Variants in LARP4B observed in about 807,000 individuals in gnomAD.
LARP4B encodes La ribonucleoprotein 4B, also known as la-related protein 4B.
Under a neutral mutation model 89.8 loss-of-function variants are expected in LARP4B, and 12 were observed. The observed-to-expected ratio is 0.13, with a 90% CI of 0.09 to 0.22. The LOEUF is 0.22. LARP4B is among the 10% of genes least tolerant of loss of function. LARP4B has a pLI of 1.00. For synonymous variants in LARP4B, 367 were observed against 363.3 expected, an observed-to-expected ratio of 1.01 and a Z score of -0.12; for missense variants, 757 against 947.7, an observed-to-expected ratio of 0.80 and a Z score of 2.64.
intron 1 of LARP4B, among the ~76,000 whole-genome samples, chr10:911,464 T>C (rs891863933): frequency 1.3e-5 from 2 of 152,190 alleles, no homozygotes; most frequent in Admixed American, 1.3e-4. Flanking sequence ...TTGCTTCCTG[T>C]CTTGTTGGTA....
At chr10:925,247 A>C (rs1837105956) in intron 1 of LARP4B, among the ~76,000 whole-genome samples, 1 of 152,104 alleles carries the variant, frequency 6.6e-6, no homozygotes, top group Non-Finnish European at 1.5e-5. Flanking sequence ...TTACAGAAAA[A>C]TCCTGTTGCC....
At chr10:864,346 A>C in intron 3 of LARP4B, 76 bp from the exon 4 acceptor site, 1 of 1,450,352 alleles carries the variant, frequency 6.9e-7, no homozygotes, top group Non-Finnish European at 9.6e-7. Flanking sequence ...TGCAGAGTTA[A>C]GAGACATCAG....
intron 13 of LARP4B, among the ~76,000 whole-genome samples, chr10:821,813 C>G (rs755462932): frequency 1.3e-5 from 2 of 152,208 alleles, no homozygotes; most frequent in Admixed American, 1.3e-4. Context: ...GGAGCAAATC[C>G]CTATTATCTC....
At chr10:952,339 CA>C in the LARP4B span, among the ~76,000 whole-genome samples, 428 of 16,946 alleles carry the variant, frequency 0.025, 6 homozygotes, top group Admixed American at 0.13. Context: ...GACTCCATCT[CA>C]AAAAAAAAAA....
intron 7 of LARP4B, among the ~76,000 whole-genome samples, chr10:842,238 G>A (rs180976554): frequency 1.7e-4 from 26 of 150,288 alleles, no homozygotes; most frequent in South Asian, 4.2e-4. Flanking sequence ...TATCTCTGTC[G>A]CCAGGCTGGA....
rs1029980739 is a variant in LARP4B, at chr10:810,694, C to T, written c.*2232G>A. ...TGATGGCGCCCTGGCCCTTCCGTAG[C>T]GAAGATGCAGCTCGTAGGCCCAGGC... On this transcript the variant is annotated 3_prime_UTR_variant, in exon 18 of 18. Transcript: ENST00000316157. The T allele has an allele frequency of 3.3e-5, 5 of 152,086 alleles. No individual in the cohort carries two copies. The highest frequency in any genetic ancestry group is 4.8e-5 in the African/African-American group (2 of 41,402). The allele number at this position is 152,086 out of a possible 1,614,324, so 9.4% of individuals were successfully genotyped here.
intron 7 of LARP4B, among the ~76,000 whole-genome samples, chr10:837,784 CAT>C (rs1833303260): frequency 6.6e-6 from 1 of 152,088 alleles, no homozygotes; most frequent in Non-Finnish European, 1.5e-5. Flanking sequence ...AAATGTAAAA[CAT>C]AAAACTAATA....
At chr10:893,241 T>C (rs982714613) in intron 1 of LARP4B, among the ~76,000 whole-genome samples, 3 of 152,106 alleles carry the variant, frequency 2.0e-5, no homozygotes, top group Non-Finnish European at 2.9e-5. Flanking sequence ...TAAAATGTAC[T>C]CAGTAGGCTT....
chr10:891,686 A>T (rs1836026664), intron 1 of LARP4B, among the ~76,000 whole-genome samples: 1 of 152,238 alleles, frequency 6.6e-6, no homozygotes, highest in Non-Finnish European at 1.5e-5. Flanking sequence ...CCACAGTCTC[A>T]GCACAACACA....
At chr10:956,944 C>T in the LARP4B span, among the ~76,000 whole-genome samples, 3 of 152,192 alleles carry the variant, frequency 2.0e-5, no homozygotes, top group Admixed American at 2.0e-4. This position sits in a 1 kb window ranked among gnomAD's most constrained non-coding sequence, Gnocchi z 4.3. Flanking sequence ...AGCTTGACAT[C>T]TCCAAGGCCT....
At chr10:972,416 C>A in the LARP4B span, 1 of 429,760 alleles carries the variant, frequency 2.3e-6, no homozygotes, top group Non-Finnish European at 4.6e-6. Flanking sequence ...CCTCCAGAAA[C>A]ATGAGCCAAA....
chr10:918,787 C>T (rs528680487), intron 1 of LARP4B, among the ~76,000 whole-genome samples: 1 of 152,178 alleles, frequency 6.6e-6, no homozygotes, highest in African/African-American at 2.4e-5. Flanking sequence ...TCAAAGATAA[C>T]CACAATGGGC....
chr10:951,068 T>A, the LARP4B span, among the ~76,000 whole-genome samples: 1 of 152,122 alleles, frequency 6.6e-6, no homozygotes, highest in Non-Finnish European at 1.5e-5. Flanking sequence ...TTTCTGTTTT[T>A]GCCTTATTGC....
At chr10:863,221 G>C (rs1834714474) in intron 5 of LARP4B, among the ~76,000 whole-genome samples, 1 of 145,050 alleles carries the variant, frequency 6.9e-6, no homozygotes, top group African/African-American at 2.5e-5. Flanking sequence ...TACTAAATAG[G>C]TTTCATTTTT....
intron 5 of LARP4B, among the ~76,000 whole-genome samples, chr10:863,353 G>A (rs1421592615): frequency 6.6e-6 from 1 of 151,612 alleles, no homozygotes; most frequent in Non-Finnish European, 1.5e-5. Context: ...CTCCCAAATA[G>A]CTGGGACTAC....
chr10:910,717 G>C (rs1387056441), intron 1 of LARP4B, among the ~76,000 whole-genome samples: 1 of 152,196 alleles, frequency 6.6e-6, no homozygotes, highest in Non-Finnish European at 1.5e-5. Flanking sequence ...CAGAGGTTTG[G>C]GATAAAGGAC....
chr10:863,431 G>A (rs943470654), intron 5 of LARP4B, among the ~76,000 whole-genome samples: 6 of 151,720 alleles, frequency 4.0e-5, no homozygotes, highest in African/African-American at 4.8e-5. Context: ...GGGTTTTACC[G>A]TGTTAGCCAG....
At chr10:953,978 A>C in the LARP4B span, among the ~76,000 whole-genome samples, 1 of 152,234 alleles carries the variant, frequency 6.6e-6, no homozygotes, top group African/African-American at 2.4e-5. Flanking sequence ...AGGGGAAGGC[A>C]AGGTGCAAGG....
the LARP4B span, chr10:988,272 C>T: frequency 1.7e-6 from 1 of 585,538 alleles, no homozygotes. Context: ...TACCCTCGCT[C>T]CTGAGGCCCT....
Sources: allele counts gnomAD v4.1 joint callset (sites outside exome capture counted in the v4.1 genomes callset), GRCh38; gene constraint gnomAD v4.1.1; non-coding constraint Gnocchi (gnomAD v3.1); transcripts MANE v1.5; gene names NCBI Gene and HGNC (gene_info 2026-07-23, HGNC 2026-07-21).